Variants in KANSL3 observed in about 807,000 individuals in gnomAD.
KANSL3 encodes KAT8 regulatory NSL complex subunit 3, also known as NSL complex protein NSL3.
Under a neutral mutation model 89.2 loss-of-function variants are expected in KANSL3, and 16 were observed. The observed-to-expected ratio is 0.18, with a 90% CI of 0.12 to 0.27. The LOEUF is 0.27. Ranked by LOEUF, KANSL3 falls within the 10% of genes least tolerant of loss-of-function variation. The probability of loss-of-function intolerance (pLI) is 1.00; values close to 1 mark genes in which losing one functional copy is unlikely to be tolerated. For missense variants in KANSL3, 879 were observed against 1,110.6 expected (o/e 0.79, Z 2.96); for synonymous variants, 385 against 419.7 (o/e 0.92, Z 1.01).
chr2:96,612,955 C>A, intron 6 of KANSL3, 21 bp from the exon 7 acceptor site: 1 of 1,497,114 alleles, frequency 6.7e-7, no homozygotes, highest in Non-Finnish European at 9.1e-7. Flanking sequence ...AGAATCCCAC[C>A]CAAAAACCAG....
rs777185699 is a variant in KANSL3 at position 96,610,868 on chromosome 2, G to A, written c.1177C>T (p.Leu393Phe). 6.2e-7 allele frequency: 1 copy of A among 1,613,932 alleles called. No individual in the cohort carries two copies. The highest frequency in any genetic ancestry group is 8.5e-7 in the Non-Finnish European group (1 of 1,179,840). ...DGPRGDVDDP[L>F]LDMKTPVLFV... Reference sequence around the variant, plus strand: ...AGGACTGGAGTCTTCATATCCAAGAGGGGATCATCTACATCCTAAAACAGG... The same window carrying A: ...AGGACTGGAGTCTTCATATCCAAGAAGGGATCATCTACATCCTAAAACAGG... Residue 393 changes from leucine (L) to phenylalanine (F), a missense_variant, in exon 11 of 21, where the codon CTC becomes TTC. This residue lies in a region of KANSL3 where 198 missense variants were observed against 260.3 expected (regional missense o/e 0.76). Transcript: ENST00000431828.
At position 96,631,378 on chromosome 2, in the gene KANSL3, A is replaced by G; in HGVS notation, c.320T>C (p.Val107Ala). Residue 107 changes from valine (V) to alanine (A), a missense_variant, in exon 3 of 21, where the codon GTC (valine) becomes GCC (alanine). This residue lies in a region of KANSL3 where 210 missense variants were observed against 311.9 expected (regional missense o/e 0.67). Coordinates refer to ENST00000431828, the MANE Select transcript of KANSL3 (RefSeq NM_001115016.3). Reference sequence around the variant, plus strand: ...ATCTGCATCAGTCCTGGCAAAGATGACATGCCGTTCACACTCATTCATCAC... The same window carrying G: ...ATCTGCATCAGTCCTGGCAAAGATGGCATGCCGTTCACACTCATTCATCAC... ...RSVMNECERH[V>A]IFARTDADAP... The G allele has an allele frequency of 1.9e-6, 3 of 1,612,106 alleles. No homozygotes were observed. Among genetic ancestry groups the G allele is most frequent in the Non-Finnish European group, 2.5e-6 (3 of 1,179,126 alleles).
chr2:96,601,632 G>A lies in KANSL3; in HGVS notation c.2616+11C>T, dbSNP rs1207179585. The A allele has an allele frequency of 1.2e-6, 2 of 1,612,652 alleles. No individual in the cohort carries two copies. Among genetic ancestry groups the A allele is most frequent in the Non-Finnish European group, 1.7e-6 (2 of 1,179,430 alleles). On this transcript the variant is annotated intron_variant, in intron 20 of 20. Coordinates refer to ENST00000431828, the MANE Select transcript of KANSL3 (RefSeq NM_001115016.3). ...GAAGCCCATGTCCTCAGTCCTTCCTGGCAGACTCACCTGTGAGCTGGAGGG... is the reference window on the plus strand; with the variant it reads ...GAAGCCCATGTCCTCAGTCCTTCCTAGCAGACTCACCTGTGAGCTGGAGGG...
chr2:96,582,845 G>A, the KANSL3 span, among the ~76,000 whole-genome samples: 1 of 152,208 alleles, frequency 6.6e-6, no homozygotes, highest in African/African-American at 2.4e-5. Flanking sequence ...CATATTGCTT[G>A]CCTGCAGTTG....
intron 3 of KANSL3, among the ~76,000 whole-genome samples, chr2:96,619,964 C>T (rs1470884105): frequency 6.6e-6 from 1 of 152,176 alleles, no homozygotes; most frequent in Non-Finnish European, 1.5e-5. Context: ...ATCGTCACAG[C>T]ACACACTTGT....
chr2:96,612,585 C>A lies in KANSL3; in HGVS notation c.913-22G>T, dbSNP rs2069200439. On this transcript the variant is annotated intron_variant, in intron 7 of 20. Coordinates refer to ENST00000431828, the MANE Select transcript of KANSL3 (RefSeq NM_001115016.3). ...TGACCTGAAGGAAAGAAGTAGCCCC[C>A]ACACCAGCAGAGGTAAGTTTCAAAT... The A allele has an allele frequency of 1.9e-6, 3 of 1,577,400 alleles. No homozygotes were observed. The South Asian group carries it at 3.3e-5, about 18-fold the overall frequency.
At chr2:96,585,332 C>T in the KANSL3 span, among the ~76,000 whole-genome samples, 1 of 152,092 alleles carries the variant, frequency 6.6e-6, no homozygotes, top group Non-Finnish European at 1.5e-5. Flanking sequence ...CATTACCAGA[C>T]AATTCTCAAG....
intron 5 of KANSL3, among the ~76,000 whole-genome samples, chr2:96,618,227 T>C (rs201380347): frequency 1.5e-5 from 2 of 133,084 alleles, no homozygotes; most frequent in African/African-American, 6.9e-5. Flanking sequence ...CTCTCTCTCT[T>C]TCTTAGAGAC....
chr2:96,607,614 C>A (rs1363824369), intron 14 of KANSL3, among the ~76,000 whole-genome samples: 1 of 152,242 alleles, frequency 6.6e-6, no homozygotes, highest in Non-Finnish European at 1.5e-5. Flanking sequence ...CCTCATTTCT[C>A]AACTCCTCCC....
At chr2:96,601,302 G>A in intron 20 of KANSL3, 1 of 984,144 alleles carries the variant, frequency 1.0e-6, no homozygotes, top group Non-Finnish European at 1.2e-6. Context: ...AAGAGCATTA[G>A]CCAAGTAGCC....
intron 3 of KANSL3, among the ~76,000 whole-genome samples, chr2:96,620,215 G>T (rs2070997366): frequency 6.6e-6 from 1 of 152,172 alleles, no homozygotes; most frequent in Non-Finnish European, 1.5e-5. Context: ...TCAGACTGAG[G>T]TAAGAATTCT....
chr2:96,626,969 C>T (rs1347038252), intron 3 of KANSL3, among the ~76,000 whole-genome samples: 2 of 152,176 alleles, frequency 1.3e-5, no homozygotes, highest in East Asian at 3.8e-4. Context: ...TCAATAAAAG[C>T]TTATGCACAC....
chr2:96,611,923 G>GTGTGTGTGTGTGTGTA, intron 9 of KANSL3, among the ~76,000 whole-genome samples: 1 of 150,074 alleles, frequency 6.7e-6, no homozygotes, highest in Non-Finnish European at 1.5e-5. Flanking sequence ...GTGTGTGTGT[G>GTGTGTGTGTGTGTGTA]TGTGTGTGTG....
In KANSL3 at chr2:96,594,846, T is replaced by G. The variant is rs957394765; in HGVS notation, c.*765A>C. On this transcript the variant is annotated 3_prime_UTR_variant, in exon 21 of 21. Transcript: ENST00000431828. ...TCAGCTTATCTGAACCTGCGGACTCTCTGGATACAGAAACTGCCCAAAGCA... is the reference window on the plus strand; with the variant it reads ...TCAGCTTATCTGAACCTGCGGACTCGCTGGATACAGAAACTGCCCAAAGCA... 1.3e-5 allele frequency: 2 copies of G among 152,286 alleles called. No individual in the cohort carries two copies. The highest frequency in any genetic ancestry group is 4.8e-5 in the African/African-American group (2 of 41,460). 9.4% of individuals were successfully genotyped at this position (152,286 alleles called of 1,614,324 possible). A position where few individuals can be genotyped will look rare whatever the true frequency, so the allele number is the denominator to read the frequency against.
Position 96,608,396 on chromosome 2 carries a change from C to T in KANSL3, c.1741+112G>A, listed in dbSNP as rs1047363490. ...GCCTGCACAGAAATGTGAGAAAGGG[C>T]GCCTCTCACATCCCCCTGAAAAAAG... On this transcript the variant is annotated intron_variant, in intron 14 of 20. Transcript: ENST00000431828. 2.6e-5 allele frequency: 26 copies of T among 1,018,846 alleles called. 1 individual carries two copies. The highest frequency in any genetic ancestry group is 4.8e-5 in the East Asian group (2 of 41,662). 63.1% of individuals were successfully genotyped at this position (1,018,846 alleles called of 1,614,324 possible).
At chr2:96,586,919 T>C in the KANSL3 span, among the ~76,000 whole-genome samples, 1 of 152,246 alleles carries the variant, frequency 6.6e-6, no homozygotes, top group Admixed American at 6.5e-5. Flanking sequence ...GTTTTAGCTA[T>C]TATATTTTCT....
intron 11 of KANSL3, among the ~76,000 whole-genome samples, chr2:96,610,038 G>A (rs2068650963): frequency 6.7e-6 from 1 of 150,060 alleles, no homozygotes; most frequent in Non-Finnish European, 1.5e-5. Flanking sequence ...GGAGACTGAG[G>A]AGACATGGCA....
chr2:96,618,675 G>A (rs1403501332), intron 5 of KANSL3, among the ~76,000 whole-genome samples: 1 of 152,176 alleles, frequency 6.6e-6, no homozygotes, highest in Non-Finnish European at 1.5e-5. Flanking sequence ...ATCCTAGATA[G>A]CTATTATTAT....
At chr2:96,633,616 A>G (rs911014619) in intron 2 of KANSL3, among the ~76,000 whole-genome samples, 2 of 150,170 alleles carry the variant, frequency 1.3e-5, no homozygotes, top group African/African-American at 4.9e-5. Flanking sequence ...CGGTAATCCC[A>G]GCACTCTGGG....
Sources: allele counts gnomAD v4.1 joint callset (sites outside exome capture counted in the v4.1 genomes callset), GRCh38; gene constraint gnomAD v4.1.1; regional missense constraint gnomAD v4.1.1; transcripts MANE v1.5; gene names NCBI Gene and HGNC (gene_info 2026-07-23, HGNC 2026-07-21).